SUMF1: variants seen among roughly 807,000 people sequenced by gnomAD.
SUMF1 encodes formylglycine-generating enzyme.
In SUMF1, 48 loss-of-function variants were observed where a neutral mutation model predicts 47.6. That is an observed-to-expected ratio of 1.01 (90% CI 0.80 to 1.28). The LOEUF (loss-of-function observed/expected upper bound fraction) is 1.28. Among genes scored for constraint, SUMF1 ranks in the 50% most tolerant of loss-of-function variants. The pLI, the probability that SUMF1 is intolerant of heterozygous loss-of-function variation, is 0.00. For synonymous variants in SUMF1, 230 were observed against 192.1 expected (o/e 1.20, Z -1.63); for missense variants, 571 against 485.4 (o/e 1.18, Z -1.66).
At chr3:4,081,451 A>G (rs942046116) in intron 8 of SUMF1, among the ~76,000 whole-genome samples, 3 of 152,248 alleles carry the variant, frequency 2.0e-5, no homozygotes, top group Admixed American at 2.0e-4. Context: ...AGTTGAATTC[A>G]TTCATCAGCT....
At chr3:4,143,770 C>T (rs990266527) in intron 8 of SUMF1, among the ~76,000 whole-genome samples, 6 of 152,062 alleles carry the variant, frequency 3.9e-5, no homozygotes, top group African/African-American at 1.4e-4. Flanking sequence ...ATTCCTAATC[C>T]ATCAAGCCCT....
chr3:4,400,083 A>G (rs1188398025), intron 7 of SUMF1, among the ~76,000 whole-genome samples: 2 of 152,138 alleles, frequency 1.3e-5, no homozygotes, highest in African/African-American at 4.8e-5. Context: ...AAACCACACC[A>G]AGACAAGAGA....
chr3:4,271,481 AG>A (rs1697301736), intron 8 of SUMF1, among the ~76,000 whole-genome samples: 3 of 148,530 alleles, frequency 2.0e-5, no homozygotes, highest in Non-Finnish European at 4.5e-5. Flanking sequence ...ATAGATAGAT[AG>A]ATAGATAGAT....
At chr3:4,214,945 C>G (rs1695885271) in intron 8 of SUMF1, among the ~76,000 whole-genome samples, 1 of 152,110 alleles carries the variant, frequency 6.6e-6, no homozygotes, top group Non-Finnish European at 1.5e-5. Context: ...CATATGGATT[C>G]ACAGCCAAAT....
intron 8 of SUMF1, among the ~76,000 whole-genome samples, chr3:4,076,766 G>A (rs1378558215): frequency 1.3e-5 from 2 of 152,120 alleles, no homozygotes; most frequent in African/African-American, 4.8e-5. Context: ...TTGGGAGACC[G>A]AGGCGGGCGG....
chr3:4,272,131 G>A (rs1320111673), intron 8 of SUMF1, among the ~76,000 whole-genome samples: 1 of 152,146 alleles, frequency 6.6e-6, no homozygotes, highest in Non-Finnish European at 1.5e-5. Flanking sequence ...CTTGCCAGTA[G>A]GGAAATCTAC....
At chr3:4,182,627 T>A (rs1399953611) in intron 8 of SUMF1, among the ~76,000 whole-genome samples, 1 of 152,044 alleles carries the variant, frequency 6.6e-6, no homozygotes, top group Non-Finnish European at 1.5e-5. Context: ...AATGCTGGTG[T>A]TCATTCTCTC....
chr3:4,212,630 C>T (rs990475573), intron 8 of SUMF1, among the ~76,000 whole-genome samples: 2 of 152,068 alleles, frequency 1.3e-5, no homozygotes, highest in Admixed American at 1.3e-4. Flanking sequence ...AAGGAGCATG[C>T]TGTAACTCAA....
chr3:4,291,063 A>G (rs1697731842), intron 8 of SUMF1, among the ~76,000 whole-genome samples: 1 of 152,218 alleles, frequency 6.6e-6, no homozygotes, highest in South Asian at 2.1e-4. Flanking sequence ...TAAGGATAAA[A>G]GAACCCACAT....
intron 8 of SUMF1, among the ~76,000 whole-genome samples, chr3:4,189,273 A>T (rs1695266672): frequency 6.6e-6 from 1 of 152,158 alleles, no homozygotes; most frequent in South Asian, 2.1e-4. Flanking sequence ...CCATACCAGC[A>T]GACTTCTGCA....
chr3:4,411,942 A>G (rs1701556883), intron 6 of SUMF1, among the ~76,000 whole-genome samples: 1 of 152,180 alleles, frequency 6.6e-6, no homozygotes. Context: ...GAAGGAATGA[A>G]TAAACTAAAA....
intron 9 of SUMF1, among the ~76,000 whole-genome samples, chr3:4,059,679 T>C (rs1695245834): frequency 6.6e-6 from 1 of 151,588 alleles, no homozygotes; most frequent in Admixed American, 6.6e-5. Context: ...AAACAATTTC[T>C]GCCTTCATGG....
chr3:4,092,082 G>A (rs1318733858), intron 8 of SUMF1, among the ~76,000 whole-genome samples: 2 of 152,036 alleles, frequency 1.3e-5, no homozygotes, highest in East Asian at 3.9e-4. Flanking sequence ...TACTTGGCCT[G>A]ATGTATTATT....
intron 8 of SUMF1, among the ~76,000 whole-genome samples, chr3:4,152,910 G>GTC (rs1443616813): frequency 1.3e-5 from 2 of 151,454 alleles, no homozygotes; most frequent in African/African-American, 4.9e-5. Flanking sequence ...TACATCCCTA[G>GTC]TCTCTCTCCC....
chr3:4,443,864 A>G (rs1702690058), intron 3 of SUMF1, among the ~76,000 whole-genome samples: 1 of 152,188 alleles, frequency 6.6e-6, no homozygotes, highest in African/African-American at 2.4e-5. Context: ...AAGATATAAG[A>G]AGTTCCTAAA....
intron 8 of SUMF1, among the ~76,000 whole-genome samples, chr3:4,300,354 T>G (rs540450822): frequency 1.3e-5 from 2 of 152,308 alleles, no homozygotes; most frequent in Non-Finnish European, 2.9e-5. Flanking sequence ...TGCAGAGCCA[T>G]GAGCCAATTA....
chr3:4,192,073 T>C (rs1449064327), intron 8 of SUMF1, among the ~76,000 whole-genome samples: 1 of 152,030 alleles, frequency 6.6e-6, no homozygotes, highest in Non-Finnish European at 1.5e-5. Context: ...ATGGCATATG[T>C]GAAAGGCAGG....
chr3:4,168,685 G>A (rs936743719), intron 8 of SUMF1, among the ~76,000 whole-genome samples: 3 of 152,090 alleles, frequency 2.0e-5, no homozygotes, highest in Non-Finnish European at 2.9e-5. Context: ...CCACTTTCTG[G>A]TAATTATATT....
chr3:4,456,915 C>T lies in SUMF1; in HGVS notation c.271-3866G>A, dbSNP rs530233626. 4.8e-3 allele frequency among the ~76,000 whole-genome samples: 204 copies of T among 42,544 alleles called. 7 individuals carry two copies. The highest frequency in any genetic ancestry group is 0.023 in the Middle Eastern group (1 of 44). The allele number at this position is 42,544 out of a possible 152,430, so 27.9% of individuals were successfully genotyped here. ...ATATATGTGTGTGTATATCTATATA[C>T]GTGTGTGTGTATATATATACGTGTG... On this transcript the variant is annotated intron_variant, in intron 1 of 8. Transcript: ENST00000272902.
Sources: allele counts gnomAD v4.1 joint callset (sites outside exome capture counted in the v4.1 genomes callset), GRCh38; gene constraint gnomAD v4.1.1; transcripts MANE v1.5; gene names NCBI Gene and HGNC (gene_info 2026-07-23, HGNC 2026-07-21).